PFKFB3: variants seen among roughly 807,000 people sequenced by gnomAD.
PFKFB3 encodes 6-phosphofructo-2-kinase/fructose-2,6-biphosphatase 3.
PFKFB3 carries 33 observed loss-of-function variants against 68.0 expected under a neutral mutation model. The observed-to-expected ratio is 0.49, with a 90% CI of 0.37 to 0.65. The LOEUF (loss-of-function observed/expected upper bound fraction) is 0.65, where lower values mean the gene tolerates loss of function less well. Among genes scored for constraint, PFKFB3 ranks in the 30% least tolerant of loss-of-function variants. The probability of loss-of-function intolerance (pLI) is 0.00; values close to 1 mark genes in which losing one functional copy is unlikely to be tolerated. For synonymous variants in PFKFB3, 315 were observed against 288.2 expected (o/e 1.09, Z -0.94); for missense variants, 586 against 712.2 (o/e 0.82, Z 2.02).
chr10:6,278,803 T>C, the PFKFB3 span, among the ~76,000 whole-genome samples: 1 of 152,056 alleles, frequency 6.6e-6, no homozygotes, highest in African/African-American at 2.4e-5. Flanking sequence ...GTTTAAGGAA[T>C]GAATAGACAC....
chr10:6,217,298 CT>C, intron 6 of PFKFB3, 107 bp downstream of exon 6: 1 of 1,004,884 alleles, frequency 1.0e-6, no homozygotes, highest in Non-Finnish European at 1.6e-6. Flanking sequence ...CAGCTGAGCC[CT>C]TAGGATGAGC....
intron 1 of PFKFB3, chr10:6,146,244 G>A (rs1042025271): frequency 6.2e-6 from 9 of 1,449,332 alleles, no homozygotes; most frequent in African/African-American, 1.4e-5. Context: ...TCAGAGGCAC[G>A]GCCAGCGTGA....
At chr10:6,311,605 C>T in the PFKFB3 span, among the ~76,000 whole-genome samples, 5 of 151,924 alleles carry the variant, frequency 3.3e-5, no homozygotes, top group Admixed American at 6.6e-5. Flanking sequence ...AAAAATTAGC[C>T]GAGTGTGGTG....
At chr10:6,313,059 G>GTT in the PFKFB3 span, among the ~76,000 whole-genome samples, 1 of 152,234 alleles carries the variant, frequency 6.6e-6, no homozygotes, top group Non-Finnish European at 1.5e-5. The surrounding 1 kb of genome is among the most constrained non-coding windows in gnomAD (Gnocchi z 4.2). Context: ...GCAAGAGCAA[G>GTT]TTTTAGCTCG....
intron 6 of PFKFB3, among the ~76,000 whole-genome samples, chr10:6,219,090 CA>C (rs1474805182): frequency 6.6e-6 from 1 of 152,240 alleles, no homozygotes; most frequent in Non-Finnish European, 1.5e-5. Flanking sequence ...ACGGACTGGT[CA>C]CACTGGGGCT....
At chr10:6,190,791 A>G (rs1843002140) in intron 1 of PFKFB3, among the ~76,000 whole-genome samples, 1 of 151,988 alleles carries the variant, frequency 6.6e-6, no homozygotes, top group Non-Finnish European at 1.5e-5. Context: ...GTCTCTATTT[A>G]TTTCGGAGAT....
intron 6 of PFKFB3, 50 bp downstream of exon 6, chr10:6,217,241 G>T: frequency 6.6e-7 from 1 of 1,523,348 alleles, no homozygotes; most frequent in South Asian, 1.1e-5. Context: ...GACCACAAGG[G>T]CATTTGCAGT....
Position 6,215,443 on chromosome 10 carries a change from C to CTGCGGGGA in PFKFB3, c.299+133_299+134insATGCGGGG. 1.4e-6 allele frequency: 1 copy of CTGCGGGGA among 704,212 alleles called. No individual in the cohort carries two copies. The allele number at this position is 704,212 out of a possible 1,614,324, so 43.6% of individuals were successfully genotyped here. A position where few individuals can be genotyped will look rare whatever the true frequency, so the allele number is the denominator to read the frequency against. On this transcript the variant is annotated intron_variant, in intron 3 of 14. Transcript: ENST00000379775. The surrounding 1 kb of genome is among the most constrained non-coding windows in gnomAD (Gnocchi z 4.3). ...GCTGGGCTGTGGGAATAAGGCTGGG[C>CTGCGGGGA]TGCGGGGCTGCGGGTGTAAGGCTGG...
rs190583010 is a variant in PFKFB3 at position 6,185,865 on chromosome 10, C to T, written c.17-27758C>T. On this transcript the variant is annotated intron_variant, in intron 1 of 14. Transcript: ENST00000379789. ...ATGTTGGCCAGGCTGGTCTTGAACT[C>T]CTGACCTCAGGTGATCCACCTGCCT... is the stretch of plus-strand genomic sequence containing the variant. 6.3e-3 allele frequency among the ~76,000 whole-genome samples: 964 copies of T among 152,254 alleles called. 4 individuals are homozygous for T. The highest frequency in any genetic ancestry group is 9.7e-3 in the Non-Finnish European group (663 of 68,006).
chr10:6,163,959 A>C (rs592866), intron 1 of PFKFB3: 1 of 152,082 alleles, frequency 6.6e-6, no homozygotes, highest in African/African-American at 2.4e-5. Context: ...ATGTTTTCCG[A>C]GAAGGCCTGG....
chr10:6,232,226 A>T (rs1845791927), intron 14 of PFKFB3, among the ~76,000 whole-genome samples: 1 of 111,972 alleles, frequency 8.9e-6, no homozygotes, highest in Non-Finnish European at 1.7e-5. Flanking sequence ...TTCCTCGCTG[A>T]TTTTGGAGCA....
the PFKFB3 span, among the ~76,000 whole-genome samples, chr10:6,325,152 C>T: frequency 2.6e-5 from 4 of 152,202 alleles, no homozygotes; most frequent in South Asian, 4.1e-4. Context: ...TTAGTAAAGA[C>T]GGGATTTTGC....
intron 1 of PFKFB3, among the ~76,000 whole-genome samples, chr10:6,196,976 CTTATTATTA>C (rs529886918): frequency 4.0e-5 from 6 of 148,492 alleles, no homozygotes; most frequent in African/African-American, 1.5e-4. Context: ...TTTTACTGTA[CTTATTATTA>C]TTATTATTAT....
the PFKFB3 span, among the ~76,000 whole-genome samples, chr10:6,260,816 T>C: frequency 2.6e-5 from 4 of 152,194 alleles, no homozygotes; most frequent in Admixed American, 6.5e-5. Context: ...GTTTTTCCAG[T>C]TTTTTTACTA....
chr10:6,224,145 C>G lies in PFKFB3; in HGVS notation c.1277-4C>G, dbSNP rs1564637907. On this transcript the variant is annotated splice_polypyrimidine_tract_variant and splice_region_variant and intron_variant, in intron 12 of 14. Transcript: ENST00000379775. ...TTCCTCTGCCCCCATCCCACGCCCTCCAGGCTGCCGTGTGGAATCCATCTA... is the reference window on the plus strand; with the variant it reads ...TTCCTCTGCCCCCATCCCACGCCCTGCAGGCTGCCGTGTGGAATCCATCTA... 1 of 1,614,240 alleles carries G rather than the reference C, an allele frequency of 6.2e-7. No homozygotes were observed. Among genetic ancestry groups the G allele is most frequent in the Non-Finnish European group, 8.5e-7 (1 of 1,180,026 alleles).
chr10:6,212,517 A>G (rs774184334), intron 1 of PFKFB3, among the ~76,000 whole-genome samples: 5 of 152,142 alleles, frequency 3.3e-5, no homozygotes, highest in African/African-American at 1.2e-4. Flanking sequence ...GCAGGGCCCC[A>G]GCATTCATCC....
chr10:6,206,819 ACG>A (rs1843770108), intron 1 of PFKFB3, among the ~76,000 whole-genome samples: 1 of 45,398 alleles, frequency 2.2e-5, no homozygotes, highest in Non-Finnish European at 4.3e-5. Flanking sequence ...CCGGGCAGAG[ACG>A]CTCCTCACTT....
At chr10:6,263,673 G>A in the PFKFB3 span, among the ~76,000 whole-genome samples, 16 of 152,292 alleles carry the variant, frequency 1.1e-4, 2 homozygotes, top group Admixed American at 6.5e-4. Context: ...TGAGAGACAA[G>A]AGCTTAATAA....
chr10:6,243,896 T>C (rs1347159732), intron 14 of PFKFB3, among the ~76,000 whole-genome samples: 1 of 152,190 alleles, frequency 6.6e-6, no homozygotes, highest in Non-Finnish European at 1.5e-5. Context: ...AGCTAATGTT[T>C]TTATTTTTTG....
Sources: gnomAD v4.1 joint callset for allele counts (sites outside exome capture counted in the v4.1 genomes callset) on GRCh38, gnomAD v4.1.1 for gene constraint, Gnocchi (gnomAD v3.1) non-coding constraint, MANE v1.5 for transcripts, NCBI Gene and HGNC (gene_info 2026-07-23, HGNC 2026-07-21) for gene names.